NELL1: variants seen among roughly 807,000 people sequenced by gnomAD.
NELL1 encodes protein kinase C-binding protein NELL1.
In NELL1, 76 loss-of-function variants were observed where a neutral mutation model predicts 107.4. The ratio of observed to expected loss-of-function variants is 0.71; its 90% CI spans 0.59 to 0.86. The LOEUF is 0.86. Among genes scored for constraint, NELL1 ranks in the 40% least tolerant of loss-of-function variants. The pLI is 0.00. For missense variants in NELL1, 1,024 were observed against 1,005.5 expected, an observed-to-expected ratio of 1.02 and a Z score of -0.25; for synonymous variants, 353 against 341.2, an observed-to-expected ratio of 1.03 and a Z score of -0.38.
At position 21,025,309 on chromosome 11, in the gene NELL1, G is replaced by T. The variant is rs191689892; in HGVS notation, c.1300+64749G>T. ...TCACTTAATTCTCACAATTCTGTAA[G>T]GTTGGTGCTATTCTCCTTATTTCAT... On this transcript the variant is annotated intron_variant, in intron 12 of 19. Transcript: ENST00000357134. Among the ~76,000 whole-genome samples the T allele has an allele frequency of 2.9e-3, 443 of 151,996 alleles. 1 individual carries two copies. Among genetic ancestry groups the T allele is most frequent in the South Asian group, 8.1e-3 (39 of 4,814 alleles).
chr11:20,993,322 T>C (rs1447926165), intron 12 of NELL1, among the ~76,000 whole-genome samples: 1 of 152,192 alleles, frequency 6.6e-6, no homozygotes, highest in Non-Finnish European at 1.5e-5. Flanking sequence ...CAGGGGATAC[T>C]ATAACTAGTT....
intron 13 of NELL1, among the ~76,000 whole-genome samples, chr11:21,200,012 A>G (rs184433037): frequency 1.3e-5 from 2 of 152,266 alleles, no homozygotes; most frequent in Non-Finnish European, 2.9e-5. Context: ...TCCATGGTGT[A>G]TATGTGTCAC....
chr11:20,682,882 G>C (rs568835524), intron 2 of NELL1, among the ~76,000 whole-genome samples: 9 of 151,904 alleles, frequency 5.9e-5, no homozygotes, highest in Non-Finnish European at 8.8e-5. Context: ...CTCATTATGG[G>C]TATTTTGAGA....
chr11:21,152,982 C>T (rs1158680748), intron 13 of NELL1, among the ~76,000 whole-genome samples: 1 of 152,144 alleles, frequency 6.6e-6, no homozygotes, highest in Non-Finnish European at 1.5e-5. Context: ...TCATTTACAT[C>T]ACCTCTTAGC....
chr11:21,400,064 A>G (rs1852064570), intron 15 of NELL1, among the ~76,000 whole-genome samples: 1 of 151,802 alleles, frequency 6.6e-6, no homozygotes, highest in Non-Finnish European at 1.5e-5. Context: ...ATGATTGTAT[A>G]CCACTTTAAA....
chr11:21,138,074 C>T (rs927276507), intron 13 of NELL1, among the ~76,000 whole-genome samples: 1 of 152,104 alleles, frequency 6.6e-6, no homozygotes, highest in Non-Finnish European at 1.5e-5. Flanking sequence ...GTGGAGAGAA[C>T]CTGATGGCAT....
chr11:20,741,200 C>A (rs1441695530), intron 2 of NELL1, among the ~76,000 whole-genome samples: 1 of 151,806 alleles, frequency 6.6e-6, no homozygotes, highest in Non-Finnish European at 1.5e-5. Flanking sequence ...GCTTTCTGTG[C>A]ACATGTGAAT....
intron 15 of NELL1, among the ~76,000 whole-genome samples, chr11:21,427,214 T>C (rs1852844737): frequency 6.6e-6 from 1 of 152,190 alleles, no homozygotes; most frequent in South Asian, 2.1e-4. Context: ...GTTCTGCATT[T>C]CTCCACCTTC....
At chr11:21,372,018 G>T (rs1387462269) in intron 15 of NELL1, among the ~76,000 whole-genome samples, 1 of 151,854 alleles carries the variant, frequency 6.6e-6, no homozygotes, top group African/African-American at 2.4e-5. Context: ...AACTAAAATT[G>T]TTCAGTAAGG....
intron 2 of NELL1, among the ~76,000 whole-genome samples, chr11:20,742,797 G>A (rs1855920346): frequency 6.6e-6 from 1 of 152,090 alleles, no homozygotes. Context: ...ATTTGAGTGA[G>A]GACACAGCCA....
intron 2 of NELL1, among the ~76,000 whole-genome samples, chr11:20,774,133 C>T (rs1353217513): frequency 3.3e-5 from 2 of 60,640 alleles, no homozygotes; most frequent in Non-Finnish European, 3.1e-5. Flanking sequence ...TCCCTCCCTC[C>T]GTCCCTCCCT....
rs146582736 is a variant in NELL1, at chr11:21,140,911, GT to G, written c.1426+27204del. On this transcript the variant is annotated intron_variant, in intron 13 of 19. Coordinates refer to ENST00000357134, the MANE Select transcript of NELL1 (RefSeq NM_006157.5). The stretch of plus-strand genomic sequence containing the variant: ...ACCCTGATCATCAGACTCTGGTTGA[GT>G]TTTTTTCCAAATTATGTGTCAGAAT... 9.5e-3 allele frequency among the ~76,000 whole-genome samples: 1,439 copies of G among 152,226 alleles called. 59 individuals carry two copies. The East Asian group carries it at 0.11, about 12-fold the overall frequency.
chr11:20,783,246 C>A (rs1373117792), intron 2 of NELL1, among the ~76,000 whole-genome samples: 1 of 152,168 alleles, frequency 6.6e-6, no homozygotes, highest in African/African-American at 2.4e-5. Context: ...GTCTTATTAT[C>A]CCAAGATTCT....
intron 14 of NELL1, among the ~76,000 whole-genome samples, chr11:21,265,531 A>G (rs2133928041): frequency 6.6e-6 from 1 of 152,142 alleles, no homozygotes; most frequent in Non-Finnish European, 1.5e-5. Context: ...TGCAATAGAG[A>G]AAATGGAACA....
At position 21,560,307 on chromosome 11, in the gene NELL1, T is replaced by C; in HGVS notation, c.1905T>C (p.Pro635=). The change falls in exon 17 of 20, where the codon CCT becomes CCC. Residue 635 remains proline, a synonymous_variant. Coordinates refer to ENST00000357134, the MANE Select transcript of NELL1 (RefSeq NM_006157.5). ...GGCCCTCCTGCTCTGGTGACTGTCC[T>C]CATGAAGGGGGGCTGAAGCACAATG... ...PSGPSCSGDC[P]HEGGLKHNGQ... 1 of 1,613,244 alleles carries C rather than the reference T, an allele frequency of 6.2e-7. No individual in the cohort carries two copies.
chr11:21,441,792 A>G (rs1265826146), intron 15 of NELL1, among the ~76,000 whole-genome samples: 1 of 152,184 alleles, frequency 6.6e-6, no homozygotes, highest in Non-Finnish European at 1.5e-5. Context: ...GTTATATTAA[A>G]TGCCTTGGCT....
chr11:21,496,135 G>A (rs1406563000), intron 15 of NELL1, among the ~76,000 whole-genome samples: 1 of 151,800 alleles, frequency 6.6e-6, no homozygotes, highest in Non-Finnish European at 1.5e-5. Flanking sequence ...ATGATTATGT[G>A]TCCTTCTCAA....
intron 4 of NELL1, among the ~76,000 whole-genome samples, chr11:20,851,459 G>A (rs764118585): frequency 6.6e-5 from 10 of 152,096 alleles, no homozygotes; most frequent in Non-Finnish European, 1.2e-4. Flanking sequence ...ATTGCCTTGG[G>A]TTTTTCTCCG....
chr11:20,884,864 T>C (rs1005601832), intron 4 of NELL1, among the ~76,000 whole-genome samples: 1 of 152,178 alleles, frequency 6.6e-6, no homozygotes, highest in South Asian at 2.1e-4. Flanking sequence ...TCAATAAATA[T>C]TTGTTGGTTG....
Sources: allele counts gnomAD v4.1 joint callset (sites outside exome capture counted in the v4.1 genomes callset), GRCh38; gene constraint gnomAD v4.1.1; transcripts MANE v1.5; gene names NCBI Gene and HGNC (gene_info 2026-07-23, HGNC 2026-07-21).